ZFAND3: variants seen among roughly 807,000 people sequenced by gnomAD.
ZFAND3 encodes the protein zinc finger AN1-type containing 3, also known as AN1-type zinc finger protein 3.
A neutral mutation model predicts 29.6 loss-of-function variants in ZFAND3; 10 were observed. The observed-to-expected ratio is 0.34, with a 90% confidence interval of 0.21 to 0.57. The LOEUF is 0.57. Ranked by LOEUF, ZFAND3 falls within the 20% of genes least tolerant of loss-of-function variation. The pLI, the probability that ZFAND3 is intolerant of heterozygous loss-of-function variation, is 0.86. For synonymous variants in ZFAND3, 128 were observed against 112.6 expected (o/e 1.14, Z -0.87); for missense variants, 230 against 304.5 (o/e 0.76, Z 1.82).
chr6:38,001,166 A>G (rs1762941074), intron 2 of ZFAND3, among the ~76,000 whole-genome samples: 2 of 152,226 alleles, frequency 1.3e-5, no homozygotes, highest in African/African-American at 4.8e-5. Context: ...TAGTGTAGAA[A>G]GTATTCTAAC....
At chr6:37,944,218 G>A (rs73421419) in intron 2 of ZFAND3, among the ~76,000 whole-genome samples, 50 of 152,168 alleles carry the variant, frequency 3.3e-4, no homozygotes, top group African/African-American at 1.1e-3. Context: ...GATTTTATAT[G>A]AGATTTTATA....
intron 2 of ZFAND3, among the ~76,000 whole-genome samples, chr6:37,969,333 G>A (rs768913036): frequency 8.5e-5 from 13 of 152,142 alleles, no homozygotes; most frequent in Non-Finnish European, 1.5e-4. Context: ...TTACATCCTG[G>A]TAAATCCATT....
chr6:37,996,626 G>T (rs943174469), intron 2 of ZFAND3, among the ~76,000 whole-genome samples: 49 of 152,076 alleles, frequency 3.2e-4, no homozygotes, highest in Non-Finnish European at 6.2e-4. Context: ...TATCTAAAAT[G>T]AAGGGATACA....
intron 2 of ZFAND3, among the ~76,000 whole-genome samples, chr6:38,039,785 T>TA (rs1763725849): frequency 1.3e-5 from 2 of 152,244 alleles, no homozygotes; most frequent in South Asian, 4.1e-4. Context: ...TAATAATACT[T>TA]AAAAATTTTT....
At chr6:38,102,576 T>C (rs191458188) in intron 4 of ZFAND3, among the ~76,000 whole-genome samples, 75 of 152,258 alleles carry the variant, frequency 4.9e-4, no homozygotes, top group Admixed American at 1.8e-3. Flanking sequence ...TTCTAGCTTG[T>C]CTCTTCCCTC....
At chr6:38,096,180 C>T (rs1481406767) in intron 4 of ZFAND3, among the ~76,000 whole-genome samples, 1 of 151,806 alleles carries the variant, frequency 6.6e-6, no homozygotes, top group African/African-American at 2.4e-5. Context: ...TGTTGTCCCC[C>T]CCAACCCCCC....
intron 2 of ZFAND3, among the ~76,000 whole-genome samples, chr6:37,979,480 C>G (rs1382720501): frequency 1.3e-5 from 2 of 152,128 alleles, no homozygotes; most frequent in Admixed American, 6.5e-5. Context: ...TGGAATTGTG[C>G]TTTTATGGTG....
At chr6:37,938,148 A>G (rs1761737518) in intron 2 of ZFAND3, among the ~76,000 whole-genome samples, 1 of 152,194 alleles carries the variant, frequency 6.6e-6, no homozygotes, top group Admixed American at 6.5e-5. Flanking sequence ...TGTTTTTAAA[A>G]TGTTTAAATG....
In ZFAND3 at chr6:37,907,008, C is replaced by G. The variant is rs115539577; in HGVS notation, c.72-22951C>G. The stretch of plus-strand genomic sequence containing the variant: ...GAATATAAAATAAAGGACTGGACTT[C>G]ATTACTTTTTAAGTAAACTTTTATT... On this transcript the variant is annotated intron_variant, in intron 1 of 5. Coordinates refer to ENST00000287218, the MANE Select transcript of ZFAND3 (RefSeq NM_021943.3). Among the ~76,000 whole-genome samples the G allele has an allele frequency of 9.3e-3, 1,420 of 152,084 alleles. 26 individuals are homozygous for G. The highest frequency in any genetic ancestry group is 0.032 in the African/African-American group (1,330 of 41,520).
rs754804955 is a variant in ZFAND3 at position 38,044,933 on chromosome 6, T to G, written c.113-16660T>G. Among the ~76,000 whole-genome samples the G allele has an allele frequency of 8.0e-4, 122 of 152,140 alleles. 1 individual carries two copies. Among genetic ancestry groups the G allele is most frequent in the Admixed American group, 3.2e-3 (49 of 15,274 alleles). On this transcript the variant is annotated intron_variant, in intron 2 of 5. Transcript: ENST00000287218. ...ATTGTAGCTAGCCTCCAAAGCGTCT[T>G]CTGTTGATTTTTGTCTGTGGTTTTT...
intron 1 of ZFAND3, among the ~76,000 whole-genome samples, chr6:37,831,053 C>T (rs966736690): frequency 1.3e-5 from 2 of 152,126 alleles, no homozygotes; most frequent in African/African-American, 2.4e-5. Flanking sequence ...AACCAAGTGG[C>T]TAGGCATGGG....
intron 4 of ZFAND3, among the ~76,000 whole-genome samples, chr6:38,107,896 G>T (rs1451648357): frequency 6.6e-6 from 1 of 151,210 alleles, no homozygotes; most frequent in Non-Finnish European, 1.5e-5. Flanking sequence ...TCCAGGTGGT[G>T]GTACATTCCA....
At chr6:37,820,215 G>A (rs1581685569) in intron 1 of ZFAND3, among the ~76,000 whole-genome samples, 199 bp downstream of exon 1, 2 of 152,114 alleles carry the variant, frequency 1.3e-5, no homozygotes, top group East Asian at 3.9e-4. Context: ...AGGCCCTGCC[G>A]GGGGTGCGTT....
Position 38,030,021 on chromosome 6 carries a change from T to TTTAGCATTTC in ZFAND3, c.113-31569_113-31560dup, listed in dbSNP as rs554401561. On this transcript the variant is annotated intron_variant, in intron 2 of 5. Transcript: ENST00000287218. ...ATTTATTCTGCCTTGAAGAACTTTC[T>TTTAGCATTTC]TTAGCATTTCTTGTTATGTAGTTCT... is the stretch of plus-strand genomic sequence containing the variant. Among the ~76,000 whole-genome samples, 429 of 146,238 alleles carry TTTAGCATTTC rather than the reference T, an allele frequency of 2.9e-3. 6 individuals carry two copies. The highest frequency in any genetic ancestry group is 0.011 in the African/African-American group (413 of 39,018).
chr6:38,027,870 C>T (rs1209164720), intron 2 of ZFAND3, among the ~76,000 whole-genome samples: 1 of 152,180 alleles, frequency 6.6e-6, no homozygotes, highest in East Asian at 1.9e-4. Flanking sequence ...AGCACAAGTG[C>T]TCCTGAAGCT....
intron 1 of ZFAND3, among the ~76,000 whole-genome samples, chr6:37,869,991 C>T (rs887128182): frequency 1.3e-5 from 2 of 151,916 alleles, no homozygotes; most frequent in Middle Eastern, 3.2e-3. Context: ...TAACTTTCTT[C>T]TTTTCAGATA....
At chr6:37,851,805 A>G (rs1764286580) in intron 1 of ZFAND3, among the ~76,000 whole-genome samples, 1 of 152,212 alleles carries the variant, frequency 6.6e-6, no homozygotes, top group South Asian at 2.1e-4. Flanking sequence ...TAGAGAAGAT[A>G]CTCAGGTGCA....
chr6:38,104,837 A>G (rs1765176229), intron 4 of ZFAND3, among the ~76,000 whole-genome samples: 1 of 152,162 alleles, frequency 6.6e-6, no homozygotes, highest in Non-Finnish European at 1.5e-5. Flanking sequence ...CATCCCAGAG[A>G]CAGCTGGGTC....
chr6:38,092,101 C>G (rs1008541028), intron 4 of ZFAND3, among the ~76,000 whole-genome samples: 3 of 152,178 alleles, frequency 2.0e-5, no homozygotes, highest in Non-Finnish European at 4.4e-5. Context: ...TTCCAAGGCA[C>G]CCCCCTCGAG....
Sources: allele counts gnomAD v4.1 joint callset (sites outside exome capture counted in the v4.1 genomes callset), GRCh38; gene constraint gnomAD v4.1.1; transcripts MANE v1.5; gene names NCBI Gene and HGNC (gene_info 2026-07-23, HGNC 2026-07-21).